The following LRRIQ3 variants were observed in gnomAD, a reference collection of about 807,000 sequenced individuals.
LRRIQ3 encodes the protein leucine rich repeats and IQ motif containing 3, also known as leucine-rich repeat and IQ domain-containing protein 3.
LRRIQ3 carries 75 observed loss-of-function variants against 59.3 expected under a neutral mutation model. The observed-to-expected ratio is 1.26, with a 90% CI of 1.05 to 1.53. The LOEUF (loss-of-function observed/expected upper bound fraction) is 1.53. LRRIQ3 is among the 40% of genes most tolerant of loss of function. The probability of loss-of-function intolerance (pLI) is 0.00; values close to 1 mark genes in which losing one functional copy is unlikely to be tolerated. For synonymous variants in LRRIQ3, 250 were observed against 231.3 expected (o/e 1.08, Z -0.73); for missense variants, 831 against 710.0 (o/e 1.17, Z -1.94).
intron 5 of LRRIQ3, among the ~76,000 whole-genome samples, chr1:74,094,659 T>C (rs1002717223): frequency 1.3e-5 from 2 of 152,114 alleles, no homozygotes; most frequent in Non-Finnish European, 2.9e-5. Flanking sequence ...TACATGCCAA[T>C]ACTTAATTGC....
chr1:74,089,263 AG>A (rs1305185116), intron 5 of LRRIQ3, among the ~76,000 whole-genome samples: 1 of 152,092 alleles, frequency 6.6e-6, no homozygotes, highest in African/African-American at 2.4e-5. Context: ...TTTCTCAAAA[AG>A]TCAAGTGTAG....
At chr1:74,135,711 T>C (rs1375434188) in intron 4 of LRRIQ3, among the ~76,000 whole-genome samples, 1 of 151,870 alleles carries the variant, frequency 6.6e-6, no homozygotes, top group Non-Finnish European at 1.5e-5. Flanking sequence ...ACACAACATA[T>C]AAAACATTAT....
rs1279674201 is a variant in LRRIQ3 at position 74,144,476 on chromosome 1, A to G, written c.707+11257T>C. 2 of 356,434 alleles carry G rather than the reference A, an allele frequency of 5.6e-6. 1 individual carries two copies. Among genetic ancestry groups the G allele is most frequent in the Non-Finnish European group, 1.1e-5 (2 of 174,944 alleles). The allele number at this position is 356,434 out of a possible 1,614,324, so 22.1% of individuals were successfully genotyped here. ...CTATCAACTTAAAAATTAGAAAAAA[A>G]ATGTTTTTTTTTTCTCGCTTTCTTG... On this transcript the variant is annotated intron_variant, in intron 4 of 7. Transcript: ENST00000354431.
intron 4 of LRRIQ3, among the ~76,000 whole-genome samples, chr1:74,134,388 A>G (rs1470829087): frequency 1.3e-5 from 2 of 152,044 alleles, no homozygotes; most frequent in Non-Finnish European, 2.9e-5. Flanking sequence ...CAAAGGTACT[A>G]CTATGGCATA....
chr1:74,128,006 C>CT (rs1183071105), intron 4 of LRRIQ3, among the ~76,000 whole-genome samples: 2 of 151,884 alleles, frequency 1.3e-5, no homozygotes, highest in African/African-American at 2.4e-5. Flanking sequence ...TAGGATACAG[C>CT]TTTTTTTCCT....
intron 6 of LRRIQ3, among the ~76,000 whole-genome samples, chr1:74,046,872 TA>T (rs1654220127): frequency 6.6e-6 from 1 of 152,148 alleles, no homozygotes; most frequent in Non-Finnish European, 1.5e-5. Flanking sequence ...TTGGTCATTA[TA>T]GAAATGCAAC....
chr1:74,135,736 G>A (rs1226109933), intron 4 of LRRIQ3, among the ~76,000 whole-genome samples: 1 of 151,862 alleles, frequency 6.6e-6, no homozygotes, highest in South Asian at 2.1e-4. Flanking sequence ...TGTAGCTAAA[G>A]CAGTGCTTAG....
In LRRIQ3 at chr1:74,185,225, T is replaced by C. The variant is rs370081066; in HGVS notation, c.1-1541A>G. ...ATTTCATTTTGTAAAAAACTGCTAC[T>C]GTCTTCCAATGTGGTTGTACCATTT... On this transcript the variant is annotated intron_variant, in intron 1 of 7. Coordinates refer to ENST00000354431, the MANE Select transcript of LRRIQ3 (RefSeq NM_001105659.2). Among the ~76,000 whole-genome samples, 13 of 152,356 alleles carry C rather than the reference T, an allele frequency of 8.5e-5. No individual in the cohort carries two copies. In the South Asian group the frequency reaches 1.4e-3, roughly 17 times the overall value.
intron 5 of LRRIQ3, among the ~76,000 whole-genome samples, chr1:74,093,004 A>G (rs986247912): frequency 6.6e-6 from 1 of 152,070 alleles, no homozygotes; most frequent in Non-Finnish European, 1.5e-5. Flanking sequence ...AGTAAGTGAA[A>G]GATCAGAAGC....
chr1:74,182,316 C>G (rs1251591390), intron 3 of LRRIQ3: 1 of 277,406 alleles, frequency 3.6e-6, no homozygotes, highest in African/African-American at 2.2e-5. Flanking sequence ...ATTTGTTTCT[C>G]TACAATTTGA....
intron 7 of LRRIQ3, among the ~76,000 whole-genome samples, chr1:74,034,988 T>A (rs1044964967): frequency 6.6e-6 from 1 of 151,996 alleles, no homozygotes; most frequent in African/African-American, 2.4e-5. Flanking sequence ...TTCAATCTAA[T>A]ATCAGAGAAA....
intron 5 of LRRIQ3, among the ~76,000 whole-genome samples, chr1:74,098,950 T>A (rs1037494537): frequency 1.3e-5 from 2 of 151,796 alleles, no homozygotes. Context: ...CAAGACAAAG[T>A]AGGAAAGATC....
intron 4 of LRRIQ3, among the ~76,000 whole-genome samples, chr1:74,148,992 A>G (rs1475021614): frequency 1.3e-5 from 2 of 152,032 alleles, no homozygotes; most frequent in African/African-American, 2.4e-5. Flanking sequence ...GTCGGTTAAT[A>G]TAAGTGATTT....
intron 4 of LRRIQ3, among the ~76,000 whole-genome samples, chr1:74,122,844 T>G (rs963370881): frequency 2.0e-5 from 3 of 152,186 alleles, no homozygotes; most frequent in African/African-American, 7.2e-5. Flanking sequence ...CTAATTAAAC[T>G]AAAGAGCTTC....
chr1:74,180,856 C>G (rs532336476), intron 3 of LRRIQ3: 6 of 1,484,556 alleles, frequency 4.0e-6, no homozygotes, highest in Non-Finnish European at 4.6e-6. Flanking sequence ...CCCATCCACC[C>G]TAGCTAATGT....
chr1:74,078,589 G>C lies in LRRIQ3; in HGVS notation c.868-3799C>G, dbSNP rs533671040. On this transcript the variant is annotated intron_variant, in intron 5 of 7. Coordinates refer to ENST00000354431, the MANE Select transcript of LRRIQ3 (RefSeq NM_001105659.2). ...TTAAAAGTAAATTAGTTAGGAATTTGTTATGTGATGTGACCCTAAGCTGTA... is the reference window on the plus strand; with the variant it reads ...TTAAAAGTAAATTAGTTAGGAATTTCTTATGTGATGTGACCCTAAGCTGTA... 3.3e-5 allele frequency: 5 copies of C among 151,938 alleles called. No homozygotes were observed. The South Asian group carries it at 1.0e-3, about 31-fold the overall frequency. The allele number at this position is 151,938 out of a possible 1,614,324, so 9.4% of individuals were successfully genotyped here. A position where few individuals can be genotyped will look rare whatever the true frequency, so the allele number is the denominator to read the frequency against.
intron 3 of LRRIQ3, among the ~76,000 whole-genome samples, chr1:74,176,755 A>G (rs2100711790): frequency 6.6e-6 from 1 of 152,200 alleles, no homozygotes; most frequent in South Asian, 2.1e-4. Context: ...CTTGATCTCC[A>G]TTAGTGTCAG....
rs905239758 is a variant in LRRIQ3, at chr1:74,027,114, T to C, written c.1719-145A>G. Reference sequence around the variant, plus strand: ...AAGACACAACTCCATTTATATAACTTGGTTATATCATTAAACAATACTCAG... The same window carrying C: ...AAGACACAACTCCATTTATATAACTCGGTTATATCATTAAACAATACTCAG... On this transcript the variant is annotated intron_variant, in intron 7 of 7. Coordinates refer to ENST00000354431, the MANE Select transcript of LRRIQ3 (RefSeq NM_001105659.2). 2.4e-5 allele frequency: 13 copies of C among 540,840 alleles called. No individual in the cohort carries two copies. The Admixed American group carries it at 4.1e-4, about 17-fold the overall frequency. The allele number at this position is 540,840 out of a possible 1,614,324, so 33.5% of individuals were successfully genotyped here. A position where few individuals can be genotyped will look rare whatever the true frequency, so the allele number is the denominator to read the frequency against.
rs567081826 is a variant in LRRIQ3 at position 74,041,369 on chromosome 1, A to C, written c.1562T>G (p.Leu521Ter). 2.5e-6 allele frequency: 4 copies of C among 1,613,848 alleles called. No individual in the cohort carries two copies. In the African/African-American group the frequency reaches 5.3e-5, roughly 22 times the overall value. ...GGTCAAAAGAGTGCGCTCATTATTT[A>C]AGTTTTGAACTAATAAACGCTCTGA... ...KASERLLVQNLNNERTLLTRG... is the reference protein window; with the variant it reads ...KASERLLVQN The change falls in exon 7 of 8, where the codon TTA becomes TGA. Residue 521 changes from leucine (L) to a stop codon, truncating the protein, a stop_gained. Transcript: ENST00000354431. LOFTEE classifies it high-confidence loss of function.
Sources: allele counts gnomAD v4.1 joint callset (sites outside exome capture counted in the v4.1 genomes callset), GRCh38; gene constraint gnomAD v4.1.1; transcripts MANE v1.5; gene names NCBI Gene and HGNC (gene_info 2026-07-23, HGNC 2026-07-21).